PPP2R2B: variants seen among roughly 807,000 people sequenced by gnomAD.
The protein encoded by PPP2R2B is serine/threonine-protein phosphatase 2A 55 kDa regulatory subunit B beta isoform.
Under a neutral mutation model 46.0 loss-of-function variants are expected in PPP2R2B, and 5 were observed. The observed-to-expected ratio is 0.11, with a 90% CI of 0.06 to 0.23. PPP2R2B has a LOEUF of 0.23. Among genes scored for constraint, PPP2R2B ranks in the 10% least tolerant of loss-of-function variants. PPP2R2B has a pLI of 1.00. For missense variants in PPP2R2B, 367 were observed against 575.0 expected (o/e 0.64, Z 3.70); for synonymous variants, 215 against 206.7 (o/e 1.04, Z -0.34).
At chr5:146,976,025 C>T (rs1752882808) in intron 1 of PPP2R2B, among the ~76,000 whole-genome samples, 1 of 151,534 alleles carries the variant, frequency 6.6e-6, no homozygotes, top group Admixed American at 6.6e-5. Flanking sequence ...TGCCTGGTAT[C>T]ATATCCAAGA....
chr5:146,926,232 C>T (rs1028990112), intron 1 of PPP2R2B, among the ~76,000 whole-genome samples: 1 of 151,970 alleles, frequency 6.6e-6, no homozygotes, highest in East Asian at 1.9e-4. Context: ...TGCAACGACT[C>T]TGAATTCTGA....
intron 1 of PPP2R2B, among the ~76,000 whole-genome samples, chr5:146,940,379 C>T (rs1561531617): frequency 6.6e-6 from 1 of 152,060 alleles, no homozygotes; most frequent in South Asian, 2.1e-4. Context: ...TATATGGACA[C>T]AGAGAAAGGA....
At chr5:146,966,443 A>C (rs931814206) in intron 1 of PPP2R2B, among the ~76,000 whole-genome samples, 16 of 152,172 alleles carry the variant, frequency 1.1e-4, no homozygotes, top group Non-Finnish European at 2.2e-4. Flanking sequence ...ACTGACACAA[A>C]GACCTGAGAA....
chr5:146,616,719 A>T (rs1242253772), intron 7 of PPP2R2B, among the ~76,000 whole-genome samples: 1 of 152,218 alleles, frequency 6.6e-6, no homozygotes, highest in African/African-American at 2.4e-5. Flanking sequence ...TCTAAAAGGC[A>T]ATAATGCTGA....
intron 5 of PPP2R2B, among the ~76,000 whole-genome samples, chr5:146,676,999 T>C (rs569128875): frequency 6.6e-6 from 1 of 152,138 alleles, no homozygotes; most frequent in African/African-American, 2.4e-5. Flanking sequence ...GGCTTTGTTT[T>C]GTCACTTCTA....
chr5:146,616,127 C>CT (rs1345374008), intron 7 of PPP2R2B, among the ~76,000 whole-genome samples: 10 of 152,062 alleles, frequency 6.6e-5, no homozygotes, highest in Non-Finnish European at 1.5e-4. Context: ...AGAACATACA[C>CT]TGGGGGAAAA....
chr5:146,856,468 G>A (rs948827410), intron 2 of PPP2R2B: 1 of 1,486,532 alleles, frequency 6.7e-7, no homozygotes, highest in Non-Finnish European at 9.4e-7. Flanking sequence ...ACTTTATCAA[G>A]AAGAGTAGGT....
intron 2 of PPP2R2B, among the ~76,000 whole-genome samples, chr5:146,836,574 G>A (rs1262390091): frequency 6.6e-6 from 1 of 152,168 alleles, no homozygotes; most frequent in African/African-American, 2.4e-5. Flanking sequence ...TGCTCTCTGT[G>A]TCTGGACTCA....
rs1429601433 is a variant in PPP2R2B at position 146,877,903 on chromosome 5, G to C, written c.70+99C>G. 3 of 1,395,848 alleles carry C rather than the reference G, an allele frequency of 2.1e-6. No homozygotes were observed. In the South Asian group the frequency reaches 4.0e-5, roughly 19 times the overall value. 86.5% of individuals were successfully genotyped at this position (1,395,848 alleles called of 1,614,324 possible). On this transcript the variant is annotated intron_variant, in intron 2 of 9. Transcript: ENST00000394411. ...GCCCCCGCCCCAGCCCTAGGGCCCG[G>C]AGGAGTCTCCGCCACTACGCGCCCA... is the stretch of plus-strand genomic sequence containing the variant.
chr5:146,637,542 A>G (rs1774902809), intron 7 of PPP2R2B, among the ~76,000 whole-genome samples: 1 of 152,156 alleles, frequency 6.6e-6, no homozygotes, highest in Non-Finnish European at 1.5e-5. Context: ...TTTAACCTTT[A>G]TCCTTCTGCC....
chr5:146,677,203 T>C (rs1036953322), intron 5 of PPP2R2B, among the ~76,000 whole-genome samples: 10 of 152,302 alleles, frequency 6.6e-5, no homozygotes, highest in African/African-American at 2.4e-4. Context: ...GGCAAGATAA[T>C]TGGACAGAGT....
chr5:146,764,002 C>T (rs1291943066), intron 2 of PPP2R2B, among the ~76,000 whole-genome samples: 1 of 152,158 alleles, frequency 6.6e-6, no homozygotes, highest in Non-Finnish European at 1.5e-5. Flanking sequence ...GCTGGGATTA[C>T]AGGTGTGAGC....
intron 1 of PPP2R2B, among the ~76,000 whole-genome samples, chr5:146,988,106 C>T (rs1753515403): frequency 6.6e-6 from 1 of 151,806 alleles, no homozygotes; most frequent in South Asian, 2.1e-4. Flanking sequence ...CACTAGAGTA[C>T]CTAATTATAT....
At chr5:147,057,707 A>G (rs1000368622), upstream of PPP2R2B, among the ~76,000 whole-genome samples, 2 of 152,194 alleles carry the variant, frequency 1.3e-5, no homozygotes, top group African/African-American at 2.4e-5. Context: ...CTGAGCTTCT[A>G]TGCCATACAC....
intron 1 of PPP2R2B, among the ~76,000 whole-genome samples, chr5:147,052,016 A>G (rs1756851385): frequency 6.6e-6 from 1 of 151,952 alleles, no homozygotes; most frequent in South Asian, 2.1e-4. Flanking sequence ...ACCAAGGGGA[A>G]GGAGTTATGT....
intron 5 of PPP2R2B, among the ~76,000 whole-genome samples, chr5:146,687,605 C>CTG: frequency 6.6e-6 from 1 of 152,092 alleles, no homozygotes; most frequent in Non-Finnish European, 1.5e-5. Flanking sequence ...AATGGTACAA[C>CTG]TGTAAGGCAT....
At chr5:146,804,092 G>A (rs192931136) in intron 2 of PPP2R2B, among the ~76,000 whole-genome samples, 4 of 152,048 alleles carry the variant, frequency 2.6e-5, no homozygotes, top group Admixed American at 6.5e-5. Context: ...GCTTGAACCC[G>A]GGAGGTGGAG....
At chr5:147,026,785 A>T (rs1039164364) in intron 1 of PPP2R2B, among the ~76,000 whole-genome samples, 1 of 152,226 alleles carries the variant, frequency 6.6e-6, no homozygotes, top group Non-Finnish European at 1.5e-5. Context: ...TCTCAAAAAG[A>T]GTGGCAATTG....
chr5:146,657,622 T>C (rs1261258049), intron 5 of PPP2R2B, among the ~76,000 whole-genome samples: 2 of 152,096 alleles, frequency 1.3e-5, no homozygotes, highest in African/African-American at 4.8e-5. Context: ...ATATAGAAAA[T>C]GTACCTTAAC....
Sources: gnomAD v4.1 joint callset for allele counts (sites outside exome capture counted in the v4.1 genomes callset) on GRCh38, gnomAD v4.1.1 for gene constraint, MANE v1.5 for transcripts, NCBI Gene and HGNC (gene_info 2026-07-23, HGNC 2026-07-21) for gene names.